Variants in RELN observed in about 807,000 individuals in gnomAD.
The protein encoded by RELN is reelin.
RELN carries 108 observed loss-of-function variants against 427.6 expected under a neutral mutation model. The ratio of observed to expected loss-of-function variants is 0.25; its 90% confidence interval spans 0.22 to 0.30. The LOEUF is 0.30. Ranked by LOEUF, RELN falls within the 10% of genes least tolerant of loss-of-function variation. RELN has a pLI of 1.00. For missense variants in RELN, 3,715 were observed against 4,302.8 expected, an observed-to-expected ratio of 0.86 and a Z score of 3.82; for synonymous variants, 1,524 against 1,513.4, an observed-to-expected ratio of 1.01 and a Z score of -0.16.
chr7:103,714,324 C>A (rs1248516826), intron 8 of RELN, among the ~76,000 whole-genome samples: 1 of 152,064 alleles, frequency 6.6e-6, no homozygotes, highest in Non-Finnish European at 1.5e-5. Context: ...ACTCTTATTA[C>A]CTTACTGTAC....
intron 20 of RELN, among the ~76,000 whole-genome samples, chr7:103,622,441 T>C (rs74427460): frequency 0.04 from 6,122 of 152,224 alleles, 165 homozygotes; most frequent in East Asian, 0.14. Context: ...TATCCTCTAC[T>C]CCTATTCTCC....
intron 3 of RELN, among the ~76,000 whole-genome samples, chr7:103,813,685 C>T (rs1792799772): frequency 6.6e-6 from 1 of 151,960 alleles, no homozygotes; most frequent in South Asian, 2.1e-4. Flanking sequence ...ATGCCATGAG[C>T]ATAGCAAGAA....
chr7:103,643,297 T>C (rs1832730759), intron 16 of RELN, among the ~76,000 whole-genome samples: 1 of 152,098 alleles, frequency 6.6e-6, no homozygotes, highest in Non-Finnish European at 1.5e-5. Context: ...TACTTACTTG[T>C]AGTATAAGCC....
chr7:103,605,162 G>A (rs1392169254), intron 22 of RELN, among the ~76,000 whole-genome samples: 1 of 152,112 alleles, frequency 6.6e-6, no homozygotes, highest in African/African-American at 2.4e-5. Context: ...AATGTAAGAT[G>A]TTTAACCTTA....
chr7:103,989,254 G>T lies in RELN; in HGVS notation c.103C>A (p.Pro35Thr). The part of the protein sequence containing the change: ...AAAGYYPRFS[P>T]FFFLCTHHGE... The stretch of plus-strand genomic sequence containing the variant: ...TGGTGGGTGCACAGGAAAAAGAAGG[G>T]CGAAAAGCGGGGGTAATAGCCAGCC... The change falls in exon 1 of 65, where the codon CCC becomes ACC. Residue 35 changes from proline (P) to threonine (T), a missense_variant. Transcript: ENST00000428762. The surrounding 1 kb of genome is among the most constrained non-coding windows in gnomAD (Gnocchi z 4.9). 1 of 1,613,962 alleles carries T rather than the reference G, an allele frequency of 6.2e-7. No homozygotes were observed. The highest frequency in any genetic ancestry group is 8.5e-7 in the Non-Finnish European group (1 of 1,179,968).
At chr7:103,771,764 C>CTCT (rs10692588) in intron 4 of RELN, among the ~76,000 whole-genome samples, 2 of 151,866 alleles carry the variant, frequency 1.3e-5, no homozygotes, top group African/African-American at 4.8e-5. Flanking sequence ...TCTTTCTGGC[C>CTCT]AAGATCTAAT....
chr7:103,486,355 G>A lies in RELN; in HGVS notation c.9825C>T (p.Ser3275=), dbSNP rs149713137. Residue 3275 remains serine (S), a synonymous_variant, in exon 61 of 65, where the codon TCC becomes TCT. Coordinates refer to ENST00000428762, the MANE Select transcript of RELN (RefSeq NM_005045.4). ...CCCAGTTTGCCTCGGTGACTCTTGCGGACTCAAAATTATCTTTAATATAAC... is the reference window on the plus strand; with the variant it reads ...CCCAGTTTGCCTCGGTGACTCTTGCAGACTCAAAATTATCTTTAATATAAC... ...LPSYIKDNFE[S]ARVTEANWET... The A allele has an allele frequency of 4.9e-4, 792 of 1,614,004 alleles. 1 individual carries two copies. The highest frequency in any genetic ancestry group is 7.7e-4 in the Admixed American group (46 of 60,002).
chr7:103,699,342 T>C (rs576474641), intron 9 of RELN, among the ~76,000 whole-genome samples: 39 of 152,284 alleles, frequency 2.6e-4, no homozygotes, highest in African/African-American at 9.1e-4. Context: ...AATTCTCTTT[T>C]CTTTTAAAAT....
intron 4 of RELN, among the ~76,000 whole-genome samples, chr7:103,757,290 CAT>C (rs1436400510): frequency 6.6e-6 from 1 of 152,180 alleles, no homozygotes; most frequent in Non-Finnish European, 1.5e-5. Context: ...TACCCAATGA[CAT>C]ATCTCCAAGT....
At chr7:103,899,994 G>C (rs1795047656) in intron 2 of RELN, among the ~76,000 whole-genome samples, 1 of 152,162 alleles carries the variant, frequency 6.6e-6, no homozygotes, top group Non-Finnish European at 1.5e-5. Context: ...ATTAGGAAAA[G>C]AGGAAGTCAA....
intron 40 of RELN, among the ~76,000 whole-genome samples, chr7:103,552,819 G>T (rs1222059746): frequency 6.6e-6 from 1 of 151,780 alleles, no homozygotes; most frequent in Admixed American, 6.6e-5. Flanking sequence ...ACTCTTAAAG[G>T]TGCTAAAGAT....
rs756833440 is a variant in RELN at position 103,553,802 on chromosome 7, C to G, written c.5827G>C (p.Asp1943His). 37 of 1,614,040 alleles carry G rather than the reference C, an allele frequency of 2.3e-5. No individual in the cohort carries two copies. The South Asian group carries it at 2.6e-4, about 11-fold the overall frequency. ...ACATTATTTCCATCGATAATGAAGTCATCAACAATCCAGATTTCTTCTTTC... is the reference window on the plus strand; with the variant it reads ...ACATTATTTCCATCGATAATGAAGTGATCAACAATCCAGATTTCTTCTTTC... ...GKKEEIWIVD[D>H]FIIDGNNVNN... Residue 1943 changes from aspartate (D) to histidine (H), a missense_variant, in exon 39 of 65, where the codon GAC becomes CAC. Transcript: ENST00000428762.
intron 41 of RELN, among the ~76,000 whole-genome samples, chr7:103,545,587 C>A (rs1830276154): frequency 1.3e-5 from 2 of 152,090 alleles, no homozygotes; most frequent in Admixed American, 1.3e-4. Context: ...ACTTGATCTT[C>A]CCATCTTTTT....
At chr7:103,668,045 C>A (rs1379964975) in intron 11 of RELN, among the ~76,000 whole-genome samples, 1 of 152,132 alleles carries the variant, frequency 6.6e-6, no homozygotes, top group African/African-American at 2.4e-5. Flanking sequence ...GCCTGGCCAA[C>A]ATGGTGAAAA....
chr7:103,640,558 G>C lies in RELN; in HGVS notation c.2054C>G (p.Thr685Ser). The C allele has an allele frequency of 3.1e-6, 5 of 1,613,850 alleles. No individual in the cohort carries two copies. Among genetic ancestry groups the C allele is most frequent in the Non-Finnish European group, 4.2e-6 (5 of 1,179,858 alleles). ...AGATGCTTACTTGCAACCATGTCTA[G>C]TGCACTGTCCTCTGCCAGAACAGAA... is the stretch of plus-strand genomic sequence containing the variant. ...LKFCSGRGQCTRHGCKCDPGF... is the reference protein window; with the variant it reads ...LKFCSGRGQCSRHGCKCDPGF... The change falls in exon 17 of 65, where the codon ACT becomes AGT. Residue 685 changes from threonine to serine, a missense_variant. By Grantham distance (58) the Thr-to-Ser change is moderately conservative. This residue lies in a region of RELN where 2,208 missense variants were observed against 2,361.7 expected (regional missense o/e 0.93). Coordinates refer to ENST00000428762, the MANE Select transcript of RELN (RefSeq NM_005045.4). This position sits in a 1 kb window ranked among gnomAD's most constrained non-coding sequence, Gnocchi z 4.1.
chr7:103,864,983 T>C (rs1352046095), intron 2 of RELN, among the ~76,000 whole-genome samples: 6 of 151,480 alleles, frequency 4.0e-5, no homozygotes, highest in Admixed American at 4.0e-4. Context: ...ATATAAAAAT[T>C]AGCCAGGCAT....
chr7:103,551,059 G>T lies in RELN; in HGVS notation c.6302+8C>A. 6.2e-7 allele frequency: 1 copy of T among 1,607,916 alleles called. No homozygotes were observed. The highest frequency in any genetic ancestry group is 8.5e-7 in the Non-Finnish European group (1 of 1,176,126). ...AAACAAATGTGGCGTCAAGCAGCGGGTCCTTACCCACAAAGGTGCAGCTTC... is the reference window on the plus strand; with the variant it reads ...AAACAAATGTGGCGTCAAGCAGCGGTTCCTTACCCACAAAGGTGCAGCTTC... On this transcript the variant is annotated splice_region_variant and intron_variant, in intron 41 of 64. Coordinates refer to ENST00000428762, the MANE Select transcript of RELN (RefSeq NM_005045.4).
At position 103,636,324 on chromosome 7, in the gene RELN, A is replaced by G. The variant is rs1470073375; in HGVS notation, c.2214T>C (p.Cys738=). 1.9e-6 allele frequency: 3 copies of G among 1,613,890 alleles called. No individual in the cohort carries two copies. The highest frequency in any genetic ancestry group is 2.2e-5 in the East Asian group (1 of 44,828). Residue 738 remains cysteine, a synonymous_variant, in exon 18 of 65, where the codon TGT becomes TGC. Coordinates refer to ENST00000428762, the MANE Select transcript of RELN (RefSeq NM_005045.4). ...GGGCCTTACCACTGGCCAAGACACC[A>G]CAACCAAAGCTGACTTCAGCACCAC... ...SIRGAEVSFG[C]GVLASGKALV...
chr7:103,783,312 T>C (rs890996234), intron 3 of RELN, among the ~76,000 whole-genome samples: 5 of 151,994 alleles, frequency 3.3e-5, no homozygotes, highest in African/African-American at 9.7e-5. Context: ...GGGATATATA[T>C]TGATGTTTAT....
Sources: gnomAD v4.1 joint callset for allele counts (sites outside exome capture counted in the v4.1 genomes callset) on GRCh38, gnomAD v4.1.1 for gene constraint, gnomAD v4.1.1 regional missense constraint, Gnocchi (gnomAD v3.1) non-coding constraint, MANE v1.5 for transcripts, NCBI Gene and HGNC (gene_info 2026-07-23, HGNC 2026-07-21) for gene names.